Variants in ADAMTS17 observed in about 807,000 individuals in gnomAD.
The protein encoded by ADAMTS17 is ADAM metallopeptidase with thrombospondin type 1 motif 17, also known as A disintegrin and metalloproteinase with thrombospondin motifs 17.
ADAMTS17 carries 113 observed loss-of-function variants against 141.5 expected under a neutral mutation model. The ratio of observed to expected loss-of-function variants is 0.80; its 90% CI spans 0.69 to 0.93. The LOEUF is 0.93. ADAMTS17 is among the 40% of genes least tolerant of loss of function. The pLI, the probability that ADAMTS17 is intolerant of heterozygous loss-of-function variation, is 0.00. For missense variants in ADAMTS17, 1,659 were observed against 1,517.9 expected, an observed-to-expected ratio of 1.09 and a Z score of -1.54; for synonymous variants, 768 against 630.6, an observed-to-expected ratio of 1.22 and a Z score of -3.27.
At chr15:100,148,066 CCTT>C (rs1290140744) in intron 10 of ADAMTS17, among the ~76,000 whole-genome samples, 6 of 152,230 alleles carry the variant, frequency 3.9e-5, no homozygotes, top group Non-Finnish European at 5.9e-5. Flanking sequence ...TCTCCTGCCT[CCTT>C]CTTAGTAAGG....
intron 8 of ADAMTS17, among the ~76,000 whole-genome samples, chr15:100,159,726 T>C (rs1378119415): frequency 6.6e-6 from 1 of 152,226 alleles, no homozygotes; most frequent in African/African-American, 2.4e-5. Context: ...ACAATGTCTC[T>C]TCATAAGGGT....
intron 4 of ADAMTS17, among the ~76,000 whole-genome samples, chr15:100,272,264 A>G (rs1365548581): frequency 6.6e-6 from 1 of 152,148 alleles, no homozygotes; most frequent in East Asian, 1.9e-4. Context: ...TTTGATAGAA[A>G]TTGCATTGAA....
chr15:100,334,919 G>T (rs1376972239), intron 2 of ADAMTS17, among the ~76,000 whole-genome samples: 1 of 152,114 alleles, frequency 6.6e-6, no homozygotes, highest in Non-Finnish European at 1.5e-5. Context: ...TCTGAGGCTT[G>T]CCATGGTCGG....
At chr15:100,082,785 G>A (rs1195612229) in intron 15 of ADAMTS17, among the ~76,000 whole-genome samples, 1 of 88,554 alleles carries the variant, frequency 1.1e-5, no homozygotes, top group Non-Finnish European at 2.2e-5. Context: ...TTTTTTTTCA[G>A]TTCATCTTGG....
At chr15:100,080,389 G>T (rs1344409058) in intron 15 of ADAMTS17, among the ~76,000 whole-genome samples, 1 of 151,476 alleles carries the variant, frequency 6.6e-6, no homozygotes, top group South Asian at 2.1e-4. Flanking sequence ...CACAAAGGAG[G>T]TAAGGAAGAG....
chr15:99,997,314 A>G lies in ADAMTS17; in HGVS notation c.2796+71T>C. 6.4e-7 allele frequency: 1 copy of G among 1,568,844 alleles called. No individual in the cohort carries two copies. The highest frequency in any genetic ancestry group is 8.8e-7 in the Non-Finnish European group (1 of 1,142,118). Reference sequence around the variant, plus strand: ...CGAGCGAGGGCTGGGAGGCACCAGAATGTCACCAATACCATGGCACCGTGT... The same window carrying G: ...CGAGCGAGGGCTGGGAGGCACCAGAGTGTCACCAATACCATGGCACCGTGT... On this transcript the variant is annotated intron_variant, in intron 19 of 21. Transcript: ENST00000268070. This position sits in a 1 kb window ranked among gnomAD's most constrained non-coding sequence, Gnocchi z 4.7.
intron 4 of ADAMTS17, 133 bp downstream of exon 4, chr15:100,281,096 C>G (rs1489149509): frequency 7.7e-7 from 1 of 1,300,626 alleles, no homozygotes; most frequent in East Asian, 2.3e-5. Context: ...CCCAGAATTA[C>G]CAGGCTATGT....
intron 13 of ADAMTS17, among the ~76,000 whole-genome samples, chr15:100,116,149 A>C (rs867874445): frequency 6.7e-6 from 1 of 149,324 alleles, no homozygotes; most frequent in Non-Finnish European, 1.5e-5. Flanking sequence ...AAAAAAAAAA[A>C]AAAAAAAAAC....
At chr15:100,203,046 G>T (rs2041395570) in intron 7 of ADAMTS17, among the ~76,000 whole-genome samples, 1 of 152,176 alleles carries the variant, frequency 6.6e-6, no homozygotes, top group South Asian at 2.1e-4. Context: ...AGGCAGAAAG[G>T]CAACTGGAAT....
intron 12 of ADAMTS17, among the ~76,000 whole-genome samples, chr15:100,117,509 C>G (rs1178544044): frequency 6.6e-6 from 1 of 152,186 alleles, no homozygotes; most frequent in Non-Finnish European, 1.5e-5. Flanking sequence ...GTTCACTGCT[C>G]ATGGGCTTTG....
At chr15:100,307,469 T>C (rs1025338377) in intron 3 of ADAMTS17, among the ~76,000 whole-genome samples, 103 of 152,232 alleles carry the variant, frequency 6.8e-4, no homozygotes, top group Non-Finnish European at 1.2e-4. Flanking sequence ...CCAGCCACAC[T>C]GCTGTAAACC....
At chr15:100,246,699 G>A (rs2042996881) in intron 7 of ADAMTS17, among the ~76,000 whole-genome samples, 1 of 152,040 alleles carries the variant, frequency 6.6e-6, no homozygotes, top group African/African-American at 2.4e-5. Context: ...CGTAGGCAAT[G>A]TCTGGAGACT....
rs535148120 is a variant in ADAMTS17, at chr15:100,303,369, G to A, written c.617-21968C>T. ...ATATTTTAAATACAAGTCTCTTACC[G>A]GACATATGATTTAAAGAACTCTTCT... On this transcript the variant is annotated intron_variant, in intron 3 of 21. Transcript: ENST00000268070. Among the ~76,000 whole-genome samples, 149 of 151,366 alleles carry A rather than the reference G, an allele frequency of 9.8e-4. 1 individual carries two copies. Among genetic ancestry groups the A allele is most frequent in the African/African-American group, 3.2e-3 (133 of 41,346 alleles).
chr15:100,164,770 A>T (rs1478928125), intron 8 of ADAMTS17, among the ~76,000 whole-genome samples: 1 of 152,144 alleles, frequency 6.6e-6, no homozygotes, highest in African/African-American at 2.4e-5. Flanking sequence ...AGAGAACAAC[A>T]CGTCTGTTCT....
At chr15:100,205,460 G>T (rs1486402916) in intron 7 of ADAMTS17, among the ~76,000 whole-genome samples, 1 of 152,184 alleles carries the variant, frequency 6.6e-6, no homozygotes, top group Non-Finnish European at 1.5e-5. Context: ...ATATCGTGCA[G>T]ATTACCCACC....
intron 15 of ADAMTS17, among the ~76,000 whole-genome samples, chr15:100,071,097 A>T (rs1190949316): frequency 1.3e-5 from 2 of 150,510 alleles, no homozygotes; most frequent in African/African-American, 4.9e-5. Flanking sequence ...AACTGCCATC[A>T]GAGATACCAT....
chr15:100,245,758 C>T (rs12592466), intron 7 of ADAMTS17, among the ~76,000 whole-genome samples: 4 of 152,248 alleles, frequency 2.6e-5, no homozygotes, highest in Admixed American at 6.5e-5. Context: ...ATCTAACAAG[C>T]GCTGGTAGAG....
chr15:100,221,412 A>C (rs760523364), intron 7 of ADAMTS17, among the ~76,000 whole-genome samples: 3 of 152,166 alleles, frequency 2.0e-5, no homozygotes, highest in Non-Finnish European at 4.4e-5. Flanking sequence ...CACTCATATA[A>C]GGTGGTAATC....
chr15:100,243,827 A>G (rs1052116194), intron 7 of ADAMTS17, among the ~76,000 whole-genome samples: 3 of 75,428 alleles, frequency 4.0e-5, no homozygotes, highest in Non-Finnish European at 8.3e-5. Flanking sequence ...AAGAAATGAA[A>G]TGAAACAAAA....
Sources: gnomAD v4.1 joint callset for allele counts (sites outside exome capture counted in the v4.1 genomes callset) on GRCh38, gnomAD v4.1.1 for gene constraint, Gnocchi (gnomAD v3.1) non-coding constraint, MANE v1.5 for transcripts, NCBI Gene and HGNC (gene_info 2026-07-23, HGNC 2026-07-21) for gene names.